The following SAXO1 variants were observed in gnomAD, a reference collection of about 807,000 sequenced individuals.
The protein encoded by SAXO1 is 4930500O09Rik.
A neutral mutation model predicts 17.5 loss-of-function variants in SAXO1; 21 were observed. The ratio of observed to expected loss-of-function variants is 1.20; its 90% CI spans 0.85 to 1.72. SAXO1 has a LOEUF of 1.72. Among genes scored for constraint, SAXO1 ranks in the 40% most tolerant of loss-of-function variants. The pLI is 0.00. For synonymous variants in SAXO1, 274 were observed against 216.5 expected (o/e 1.27, Z -2.33); for missense variants, 843 against 596.0 (o/e 1.41, Z -4.32).
chr9:19,037,544 A>ATCC (rs1391945743), upstream of SAXO1, among the ~76,000 whole-genome samples: 4 of 152,192 alleles, frequency 2.6e-5, no homozygotes, highest in African/African-American at 9.6e-5. Flanking sequence ...CCGCTTTTGC[A>ATCC]TCCTCCTCAT....
At chr9:19,004,708 G>T (rs775552090) in intron 1 of SAXO1, among the ~76,000 whole-genome samples, 5 of 152,086 alleles carry the variant, frequency 3.3e-5, no homozygotes, top group Non-Finnish European at 7.3e-5. Context: ...ACACCCTGGG[G>T]GCCTGTTGTG....
chr9:18,971,595 C>T (rs927022149), intron 1 of SAXO1, among the ~76,000 whole-genome samples: 1 of 152,040 alleles, frequency 6.6e-6, no homozygotes, highest in African/African-American at 2.4e-5. Context: ...TATAAGACAC[C>T]CCCTACTTTC....
Position 19,030,648 on chromosome 9 carries a change from G to T in SAXO1, c.38+2223C>A, listed in dbSNP as rs187861652. 6.6e-5 allele frequency among the ~76,000 whole-genome samples: 10 copies of T among 152,134 alleles called. No individual in the cohort carries two copies. The East Asian group carries it at 1.9e-3, about 29-fold the overall frequency. On this transcript the variant is annotated intron_variant, in intron 1 of 3. Transcript: ENST00000380534. The stretch of plus-strand genomic sequence containing the variant: ...TTGAACCCAGCAGGCGGAGGTTGCA[G>T]TGAGCAGAGATCGCGCCACTGCACG...
chr9:19,022,158 A>T (rs951269889), intron 1 of SAXO1, among the ~76,000 whole-genome samples: 5 of 152,208 alleles, frequency 3.3e-5, no homozygotes, highest in Non-Finnish European at 5.9e-5. Context: ...AGAAACGAAC[A>T]ACTCCGGAGG....
chr9:18,928,327 T>C lies in SAXO1; in HGVS notation c.1150A>G (p.Ile384Val), dbSNP rs1408255544. 5 of 1,613,122 alleles carry C rather than the reference T, an allele frequency of 3.1e-6. No homozygotes were observed. The Admixed American group carries it at 6.7e-5, about 22-fold the overall frequency. Residue 384 changes from isoleucine (I) to valine (V), a missense_variant, in exon 4 of 4, where the codon ATC becomes GTC. Physicochemically the swap from Ile to Val is conservative, Grantham distance 29 (BLOSUM62 3). Coordinates refer to ENST00000380534, the MANE Select transcript of SAXO1 (RefSeq NM_153707.4). The part of the protein sequence containing the change: ...TRAHYVPHLP[I>V]NTKSCKPHWS... ...TGAGGCTTACAGCTTTTGGTATTGA[T>C]AGGCAGGTGGGGCACATAGTGGGCC...
chr9:18,992,385 A>G (rs994126112), intron 1 of SAXO1, among the ~76,000 whole-genome samples: 4 of 152,158 alleles, frequency 2.6e-5, no homozygotes, highest in Admixed American at 1.3e-4. Context: ...CCCTCTGTCC[A>G]TGTCTGTCTT....
chr9:19,041,194 A>G (rs1330739674), intron 1 of SAXO1, among the ~76,000 whole-genome samples: 1 of 151,648 alleles, frequency 6.6e-6, no homozygotes, highest in Admixed American at 6.6e-5. Flanking sequence ...TCCCATTTAC[A>G]ATAGACACAA....
intron 1 of SAXO1, among the ~76,000 whole-genome samples, chr9:19,003,114 G>A (rs1313975605): frequency 2.0e-5 from 3 of 152,146 alleles, no homozygotes; most frequent in Admixed American, 6.6e-5. Flanking sequence ...CAAACAGAGA[G>A]CCAAATCATG....
chr9:18,978,248 C>T (rs1833234071), intron 1 of SAXO1, among the ~76,000 whole-genome samples: 1 of 152,062 alleles, frequency 6.6e-6, no homozygotes, highest in African/African-American at 2.4e-5. Context: ...TTTTTCAAGG[C>T]CGCATTTTGA....
At chr9:19,007,587 T>TTG (rs1490808609) in intron 1 of SAXO1, among the ~76,000 whole-genome samples, 12 of 152,312 alleles carry the variant, frequency 7.9e-5, no homozygotes, top group African/African-American at 2.9e-4. Context: ...CCAACTTCTG[T>TTG]TTAGAACAGC....
chr9:19,026,652 G>A lies in SAXO1; in HGVS notation c.38+6219C>T, dbSNP rs549812188. 3.3e-5 allele frequency among the ~76,000 whole-genome samples: 5 copies of A among 152,326 alleles called. No homozygotes were observed. The South Asian group carries it at 1.0e-3, about 32-fold the overall frequency. ...CAAACTAAGCAATGCTTCCCATGTT[G>A]AGGGACCCACAGTAAGATAATAATA... is the stretch of plus-strand genomic sequence containing the variant. On this transcript the variant is annotated intron_variant, in intron 1 of 3. Transcript: ENST00000380534.
chr9:19,016,577 G>A (rs761113032), intron 1 of SAXO1, among the ~76,000 whole-genome samples: 2 of 152,226 alleles, frequency 1.3e-5, no homozygotes, highest in African/African-American at 4.8e-5. Flanking sequence ...ATTGTCAAAA[G>A]TGGGGTAGGT....
At chr9:18,969,648 G>T (rs969063272) in intron 1 of SAXO1, among the ~76,000 whole-genome samples, 6 of 152,160 alleles carry the variant, frequency 3.9e-5, no homozygotes, top group African/African-American at 1.4e-4. Context: ...GGGGTATCTT[G>T]TTCACTATTA....
intron 1 of SAXO1, among the ~76,000 whole-genome samples, chr9:18,986,467 A>G (rs1833599527): frequency 6.6e-6 from 1 of 152,242 alleles, no homozygotes; most frequent in Admixed American, 6.5e-5. Flanking sequence ...CAATCGAGGA[A>G]GGTAAACACA....
At chr9:18,931,304 GT>G (rs1379417769) in intron 3 of SAXO1, among the ~76,000 whole-genome samples, 4 of 152,152 alleles carry the variant, frequency 2.6e-5, no homozygotes, top group Non-Finnish European at 5.9e-5. Flanking sequence ...CTTTCACTTA[GT>G]GTAATGTAAT....
chr9:18,955,084 C>G lies in SAXO1; in HGVS notation c.39-4147G>C, dbSNP rs148739224. The stretch of plus-strand genomic sequence containing the variant: ...TAGTGGCACCTGCCTATCGTCCCAG[C>G]TACTCAGCAGGCTGAGGAGAGGGGA... On this transcript the variant is annotated intron_variant, in intron 1 of 3. Coordinates refer to ENST00000380534, the MANE Select transcript of SAXO1 (RefSeq NM_153707.4). Among the ~76,000 whole-genome samples, 12 of 152,258 alleles carry G rather than the reference C, an allele frequency of 7.9e-5. No homozygotes were observed. In the East Asian group the frequency reaches 2.3e-3, roughly 29 times the overall value.
intron 1 of SAXO1, among the ~76,000 whole-genome samples, chr9:19,014,580 T>C (rs558572734): frequency 6.6e-6 from 1 of 151,612 alleles, no homozygotes; most frequent in Non-Finnish European, 1.5e-5. Flanking sequence ...TAGCCCCAGA[T>C]AGAGGAGTGA....
intron 3 of SAXO1, among the ~76,000 whole-genome samples, chr9:18,939,658 CCT>C (rs1831463811): frequency 1.3e-5 from 2 of 152,062 alleles, no homozygotes; most frequent in Non-Finnish European, 2.9e-5. Context: ...GAAAGAAGGC[CCT>C]GAGGCTGGAG....
At chr9:19,017,578 G>T (rs919919836) in intron 1 of SAXO1, among the ~76,000 whole-genome samples, 1 of 152,106 alleles carries the variant, frequency 6.6e-6, no homozygotes, top group African/African-American at 2.4e-5. Flanking sequence ...TGGCCTTCTG[G>T]CCTCTCCTAT....
Sources: allele counts gnomAD v4.1 joint callset (sites outside exome capture counted in the v4.1 genomes callset), GRCh38; gene constraint gnomAD v4.1.1; transcripts MANE v1.5; gene names NCBI Gene and HGNC (gene_info 2026-07-23, HGNC 2026-07-21).